The following MAP7D1 variants were observed in gnomAD, a reference collection of about 807,000 sequenced individuals.
The protein encoded by MAP7D1 is MAP7 domain containing 1, also known as MAP7 domain-containing protein 1.
A neutral mutation model predicts 97.5 loss-of-function variants in MAP7D1; 30 were observed. That is an observed-to-expected ratio of 0.31 (90% confidence interval 0.23 to 0.42). MAP7D1 has a LOEUF of 0.42. MAP7D1 is among the 10% of genes least tolerant of loss of function. MAP7D1 has a pLI of 1.00. For missense variants in MAP7D1, 1,184 were observed against 1,179.5 expected (o/e 1.00, Z -0.06); for synonymous variants, 536 against 477.1 (o/e 1.12, Z -1.61).
intron 5 of MAP7D1, among the ~76,000 whole-genome samples, chr1:36,174,468 G>T (rs1308154556): frequency 6.6e-6 from 1 of 152,206 alleles, no homozygotes; most frequent in Non-Finnish European, 1.5e-5. Flanking sequence ...TTGTGCAAGT[G>T]ACTGTGACTG....
chr1:36,167,083 A>T, intron 1 of MAP7D1, among the ~76,000 whole-genome samples: 1 of 152,126 alleles, frequency 6.6e-6, no homozygotes, highest in East Asian at 1.9e-4. Context: ...TGGAGACACA[A>T]ATTTGGTTGT....
Position 36,171,217 on chromosome 1 carries a change from C to T in MAP7D1, c.293C>T (p.Pro98Leu). The change falls in exon 2 of 17, where the codon CCA becomes CTA. Residue 98 changes from proline (P) to leucine (L), a missense_variant. Pro to Leu is a moderately conservative substitution (Grantham distance 98). Coordinates refer to ENST00000474796, the MANE Select transcript of MAP7D1 (RefSeq NM_001388490.1). The part of the protein sequence containing the change: ...SSEAKSRGPT[P>L]PAMGPRDARP... ...GAAGCAAAGAGCAGAGGACCCACCC[C>T]ACCAGCCATGGGCCCACGGGATGCC... 6.2e-7 allele frequency: 1 copy of T among 1,612,584 alleles called. No individual in the cohort carries two copies. Among genetic ancestry groups the T allele is most frequent in the Non-Finnish European group, 8.5e-7 (1 of 1,179,178 alleles).
Position 36,177,653 on chromosome 1 carries a change from T to C in MAP7D1, c.1380-220T>C, listed in dbSNP as rs1295746854. 8.9e-6 allele frequency: 7 copies of C among 784,830 alleles called. No individual in the cohort carries two copies. In the Admixed American group the frequency reaches 1.6e-4, roughly 18 times the overall value. The allele number at this position is 784,830 out of a possible 1,614,324, so 48.6% of individuals were successfully genotyped here. On this transcript the variant is annotated intron_variant, in intron 8 of 16. Coordinates refer to ENST00000474796, the MANE Select transcript of MAP7D1 (RefSeq NM_001388490.1). ...TTCTCTTATTAAGCTTACAGGCTAT[T>C]GGCGGGGGACATACAATAATCAAAG... is the stretch of plus-strand genomic sequence containing the variant.
At chr1:36,156,764 C>T (rs1233016664) in intron 1 of MAP7D1, among the ~76,000 whole-genome samples, 2 of 152,038 alleles carry the variant, frequency 1.3e-5, no homozygotes, top group Non-Finnish European at 2.9e-5. Context: ...AGCTTCCCCG[C>T]CCCCACGTCC....
intron 16 of MAP7D1, 78 bp from the exon 17 acceptor site, chr1:36,180,170 G>A: frequency 1.2e-6 from 2 of 1,611,504 alleles, no homozygotes; most frequent in Non-Finnish European, 8.5e-7. Context: ...ACCCTCTCCT[G>A]CTCCACCCTG....
At chr1:36,177,062 CA>C (rs1267335318) in intron 8 of MAP7D1, among the ~76,000 whole-genome samples, 3 of 152,086 alleles carry the variant, frequency 2.0e-5, no homozygotes, top group Non-Finnish European at 4.4e-5. Context: ...GCTATCCTCC[CA>C]CCTCAGCCTT....
intron 8 of MAP7D1, 141 bp from the exon 9 acceptor site, chr1:36,177,732 G>A (rs902654179): frequency 4.8e-6 from 6 of 1,245,932 alleles, no homozygotes; most frequent in Non-Finnish European, 6.5e-6. Flanking sequence ...AAAAGGGAAT[G>A]GTGTGTTTCT....
chr1:36,173,568 G>T, intron 5 of MAP7D1, 90 bp downstream of exon 5: 4 of 925,300 alleles, frequency 4.3e-6, no homozygotes, highest in South Asian at 1.6e-5. Flanking sequence ...AAAGCTGGTG[G>T]CTCCCTGCAG....
intron 13 of MAP7D1, 35 bp downstream of exon 13, chr1:36,179,350 G>T: frequency 6.2e-7 from 1 of 1,612,752 alleles, no homozygotes; most frequent in Non-Finnish European, 8.5e-7. Flanking sequence ...GCTGGGCGTG[G>T]GGGGCAGGGT....
rs754730875 is a variant in MAP7D1 at position 36,173,390 on chromosome 1, G to A, written c.651G>A (p.Arg217=). ...NKERYEAAIQ[R]SVKKTWAEIR... ...AGCGCTATGAAGCAGCCATCCAACGGTCAGTGAAGAAGACGTGGGCCGAAA... is the reference window on the plus strand; with the variant it reads ...AGCGCTATGAAGCAGCCATCCAACGATCAGTGAAGAAGACGTGGGCCGAAA... Residue 217 remains arginine, a synonymous_variant, in exon 5 of 17, where the codon CGG becomes CGA. Transcript: ENST00000474796. 6.2e-7 allele frequency: 1 copy of A among 1,614,024 alleles called. No individual in the cohort carries two copies. The highest frequency in any genetic ancestry group is 2.2e-5 in the East Asian group (1 of 44,852).
intron 8 of MAP7D1, 55 bp from the exon 9 acceptor site, chr1:36,177,818 C>T: frequency 6.6e-7 from 1 of 1,519,572 alleles, no homozygotes; most frequent in Middle Eastern, 1.8e-4. Context: ...GGAACAAGTT[C>T]TCAGCGTGTG....
chr1:36,180,133 C>T (rs926189314), intron 16 of MAP7D1, 66 bp downstream of exon 16: 1 of 1,610,350 alleles, frequency 6.2e-7, no homozygotes, highest in African/African-American at 1.3e-5. Flanking sequence ...CTCCTCAGCC[C>T]TGCCTTCTCT....
intron 2 of MAP7D1, 54 bp from the exon 3 acceptor site, chr1:36,171,459 A>T (rs1644542059): frequency 6.3e-7 from 1 of 1,594,058 alleles, no homozygotes; most frequent in Admixed American, 1.7e-5. Context: ...TCTGAGGCTG[A>T]CTCCTCTTTG....
intron 1 of MAP7D1, among the ~76,000 whole-genome samples, chr1:36,169,371 A>G (rs1461356959): frequency 6.6e-6 from 1 of 151,692 alleles, no homozygotes; most frequent in East Asian, 1.9e-4. Context: ...CCTGGCTAAC[A>G]CCGTGAAACC....
chr1:36,163,831 T>C (rs935127328), intron 1 of MAP7D1, among the ~76,000 whole-genome samples: 2 of 140,448 alleles, frequency 1.4e-5, no homozygotes, highest in Admixed American at 7.2e-5. Flanking sequence ...TTTTTTTTTT[T>C]TTTTTTTTTT....
chr1:36,171,477 C>G (rs752246955), intron 2 of MAP7D1, 36 bp from the exon 3 acceptor site: 7 of 1,610,914 alleles, frequency 4.3e-6, no homozygotes, highest in East Asian at 4.5e-5. Context: ...TTGGGGACAG[C>G]CTTTTGACCT....
chr1:36,176,771 C>T lies in MAP7D1; in HGVS notation c.1308C>T (p.Ser436=), dbSNP rs773333828. Residue 436 remains serine, a synonymous_variant, in exon 8 of 17, where the codon AGC becomes AGT. Transcript: ENST00000474796. This position sits in a 1 kb window ranked among gnomAD's most constrained non-coding sequence, Gnocchi z 6.1. ...KEKSALARER[S]LKKRQSLPAS... is the part of the protein sequence containing the mutation. ...AGAGTGCCCTAGCCCGGGAGCGCAG[C>T]CTCAAGAAGCGCCAGTCGCTGCCCG... is the stretch of plus-strand genomic sequence containing the variant. The T allele has an allele frequency of 1.2e-6, 2 of 1,602,948 alleles. No homozygotes were observed. Among genetic ancestry groups the T allele is most frequent in the South Asian group, 2.2e-5 (2 of 89,132 alleles).
intron 1 of MAP7D1, among the ~76,000 whole-genome samples, chr1:36,164,619 G>A (rs1644452079): frequency 1.3e-5 from 2 of 152,186 alleles, no homozygotes; most frequent in Admixed American, 6.6e-5. Context: ...GAGCAAGCGG[G>A]GAGCAGGGTA....
At chr1:36,168,745 C>G (rs1053639559) in intron 1 of MAP7D1, among the ~76,000 whole-genome samples, 1 of 152,152 alleles carries the variant, frequency 6.6e-6, no homozygotes, top group South Asian at 2.1e-4. Context: ...TATTGCGTAA[C>G]ACCTATTCCC....
Sources: gnomAD v4.1 joint callset for allele counts (sites outside exome capture counted in the v4.1 genomes callset) on GRCh38, gnomAD v4.1.1 for gene constraint, Gnocchi (gnomAD v3.1) non-coding constraint, MANE v1.5 for transcripts, NCBI Gene and HGNC (gene_info 2026-07-23, HGNC 2026-07-21) for gene names.